Variants in PIWIL3 observed in about 807,000 individuals in gnomAD.
The protein encoded by PIWIL3 is piwi-like protein 3.
Under a neutral mutation model 109.7 loss-of-function variants are expected in PIWIL3, and 101 were observed. That is an observed-to-expected ratio of 0.92 (90% CI 0.78 to 1.09). PIWIL3 has a LOEUF of 1.09. PIWIL3 is among the 50% of genes least tolerant of loss of function. The pLI is 0.00. For missense variants in PIWIL3, 1,031 were observed against 1,072.6 expected (o/e 0.96, Z 0.54); for synonymous variants, 373 against 376.4 (o/e 0.99, Z 0.10).
chr22:24,748,492 T>C (rs1728278126), intron 12 of PIWIL3, among the ~76,000 whole-genome samples: 1 of 152,216 alleles, frequency 6.6e-6, no homozygotes, highest in African/African-American at 2.4e-5. Context: ...CCTGATGTGA[T>C]TATGCACTGC....
intron 19 of PIWIL3, among the ~76,000 whole-genome samples, chr22:24,720,839 A>G (rs1194025541): frequency 6.6e-6 from 1 of 152,208 alleles, no homozygotes; most frequent in Non-Finnish European, 1.5e-5. Context: ...ATTGACAAGT[A>G]TAGAGCAGCA....
rs766394513 is a variant in PIWIL3, at chr22:24,728,915, CAAA to C, written c.1708-544_1708-542del. Among the ~76,000 whole-genome samples the C allele has an allele frequency of 5.3e-5, 8 of 152,172 alleles. No homozygotes were observed. In the East Asian group the frequency reaches 1.2e-3, roughly 22 times the overall value. ...GAGGAGAAAGGAAAAAAACAAAAAACAAAAAACAGTTAAGGCAGGTCCACACTA... is the reference window on the plus strand; with the variant it reads ...GAGGAGAAAGGAAAAAAACAAAAAACAAACAGTTAAGGCAGGTCCACACTA... On this transcript the variant is annotated intron_variant, in intron 14 of 20. Coordinates refer to ENST00000616349, the MANE Select transcript of PIWIL3 (RefSeq NM_001255975.1).
rs114840475 is a variant in PIWIL3 at position 24,736,339 on chromosome 22, T to C, written c.1450-447A>G. Among the ~76,000 whole-genome samples the C allele has an allele frequency of 4.4e-3, 671 of 152,342 alleles. 4 individuals are homozygous for C. Among genetic ancestry groups the C allele is most frequent in the African/African-American group, 0.015 (642 of 41,588 alleles). On this transcript the variant is annotated intron_variant, in intron 12 of 20. Coordinates refer to ENST00000616349, the MANE Select transcript of PIWIL3 (RefSeq NM_001255975.1). ...CCCCTTCTGATTGAATGCTGCACAA[T>C]TGGTGAATCAGTCTTAGTGCAAATA...
intron 16 of PIWIL3, 65 bp from the exon 17 acceptor site, chr22:24,725,580 A>T: frequency 6.7e-7 from 1 of 1,494,896 alleles, no homozygotes; most frequent in African/African-American, 1.4e-5. Context: ...AGTCTGCATT[A>T]ATCTATGGGC....
intron 12 of PIWIL3, among the ~76,000 whole-genome samples, chr22:24,739,371 C>T (rs1421779465): frequency 1.3e-5 from 2 of 152,048 alleles, no homozygotes; most frequent in Non-Finnish European, 2.9e-5. Context: ...AGATTTCACC[C>T]ATAGACAACT....
At chr22:24,723,649 T>C (rs1922813021) in intron 18 of PIWIL3, among the ~76,000 whole-genome samples, 1 of 152,188 alleles carries the variant, frequency 6.6e-6, no homozygotes, top group Admixed American at 6.5e-5. Flanking sequence ...GAAGGATAAG[T>C]GTGAACTATT....
intron 19 of PIWIL3, 116 bp downstream of exon 19, chr22:24,723,014 A>G (rs1019038545): frequency 8.5e-7 from 1 of 1,181,778 alleles, no homozygotes; most frequent in Non-Finnish European, 1.2e-6. Flanking sequence ...AGACCAAATT[A>G]GTTCTAAAGA....
chr22:24,740,245 C>T (rs1357980228), intron 12 of PIWIL3, among the ~76,000 whole-genome samples: 2 of 93,166 alleles, frequency 2.1e-5, no homozygotes, highest in Non-Finnish European at 4.8e-5. Context: ...TTTCTAAAAG[C>T]TCAATTAGAA....
rs141582649 is a variant in PIWIL3, at chr22:24,727,393, G to C, written c.2009+557C>G. Among the ~76,000 whole-genome samples, 681 of 152,330 alleles carry C rather than the reference G, an allele frequency of 4.5e-3. 4 individuals are homozygous for C. The highest frequency in any genetic ancestry group is 0.015 in the African/African-American group (621 of 41,588). ...CAAAGAGGAGGTCAGATTCAAAACA[G>C]AACAAGGGCTCAATGTGCTATGGCT... On this transcript the variant is annotated intron_variant, in intron 16 of 20. Coordinates refer to ENST00000616349, the MANE Select transcript of PIWIL3 (RefSeq NM_001255975.1).
chr22:24,746,187 A>G (rs983539178), intron 12 of PIWIL3, among the ~76,000 whole-genome samples: 3 of 152,220 alleles, frequency 2.0e-5, no homozygotes, highest in Admixed American at 2.0e-4. Flanking sequence ...AAAAATCCTC[A>G]ACAAAATACC....
In PIWIL3 at chr22:24,739,324, G is replaced by A. The variant is rs911573729; in HGVS notation, c.1450-3432C>T. Among the ~76,000 whole-genome samples the A allele has an allele frequency of 2.6e-4, 40 of 152,058 alleles. 2 individuals are homozygous for A. Among genetic ancestry groups the A allele is most frequent in the Admixed American group, 2.6e-3 (39 of 15,268 alleles). ...GATAGCAGAACTTCCCAAACCTAAA[G>A]AAATATATCAATATCTAAGTATAAA... On this transcript the variant is annotated intron_variant, in intron 12 of 20. Coordinates refer to ENST00000616349, the MANE Select transcript of PIWIL3 (RefSeq NM_001255975.1).
intron 8 of PIWIL3, among the ~76,000 whole-genome samples, chr22:24,752,902 G>T (rs1415580977): frequency 6.6e-6 from 1 of 152,082 alleles, no homozygotes; most frequent in Non-Finnish European, 1.5e-5. Flanking sequence ...GTTTTCACTT[G>T]CATTTCCATG....
intron 1 of PIWIL3, among the ~76,000 whole-genome samples, chr22:24,764,729 T>C (rs1368994981): frequency 6.7e-6 from 1 of 148,644 alleles, no homozygotes; most frequent in Non-Finnish European, 1.5e-5. Flanking sequence ...CTCCACTCAC[T>C]GCAACCTCAA....
chr22:24,750,546 C>T (rs564987758), intron 9 of PIWIL3, among the ~76,000 whole-genome samples: 3 of 137,328 alleles, frequency 2.2e-5, no homozygotes, highest in Non-Finnish European at 4.6e-5. Context: ...TGGAGTGCAA[C>T]GGCGCGATCT....
At chr22:24,739,239 A>C (rs1489966453) in intron 12 of PIWIL3, among the ~76,000 whole-genome samples, 1 of 152,134 alleles carries the variant, frequency 6.6e-6, no homozygotes, top group African/African-American at 2.4e-5. Flanking sequence ...AAAATCAAAG[A>C]GTTACTGTCC....
chr22:24,732,238 A>C (rs968163311), intron 14 of PIWIL3, among the ~76,000 whole-genome samples: 2 of 152,196 alleles, frequency 1.3e-5, no homozygotes, highest in African/African-American at 4.8e-5. Context: ...AGTTACATAC[A>C]TGAATCCCCT....
chr22:24,772,480 G>A (rs1926184076), intron 1 of PIWIL3, among the ~76,000 whole-genome samples: 1 of 152,146 alleles, frequency 6.6e-6, no homozygotes, highest in Admixed American at 6.5e-5. Flanking sequence ...TAGTATGTTG[G>A]GTATTGAAAA....
rs1403118869 is a variant in PIWIL3 at position 24,721,875 on chromosome 22, C to T, written c.2357+1255G>A. Among the ~76,000 whole-genome samples, 3 of 152,272 alleles carry T rather than the reference C, an allele frequency of 2.0e-5. No homozygotes were observed. In the East Asian group the frequency reaches 5.8e-4, roughly 29 times the overall value. ...GGCTCTAATTCATAATGACTTGCATCCTCATAACAAGAAAAAGACTTCTAA... is the reference window on the plus strand; with the variant it reads ...GGCTCTAATTCATAATGACTTGCATTCTCATAACAAGAAAAAGACTTCTAA... On this transcript the variant is annotated intron_variant, in intron 19 of 20. Transcript: ENST00000616349.
chr22:24,724,436 AT>A (rs111263336), intron 18 of PIWIL3, among the ~76,000 whole-genome samples: 392 of 135,032 alleles, frequency 2.9e-3, no homozygotes, highest in Middle Eastern at 3.9e-3. Flanking sequence ...TAATTTTTTC[AT>A]TTTTTTTTTT....
Sources: gnomAD v4.1 joint callset for allele counts (sites outside exome capture counted in the v4.1 genomes callset) on GRCh38, gnomAD v4.1.1 for gene constraint, MANE v1.5 for transcripts, NCBI Gene and HGNC (gene_info 2026-07-23, HGNC 2026-07-21) for gene names.